The following CSMD1 variants were observed in gnomAD, a reference collection of about 807,000 sequenced individuals.
CSMD1 encodes CUB and Sushi multiple domains 1.
Under a neutral mutation model 417.5 loss-of-function variants are expected in CSMD1, and 213 were observed. That is an observed-to-expected ratio of 0.51 (90% CI 0.46 to 0.57). CSMD1 has a LOEUF of 0.57. CSMD1 is among the 20% of genes least tolerant of loss of function. CSMD1 has a pLI of 0.00. For synonymous variants in CSMD1, 2,862 were observed against 1,736.8 expected, an observed-to-expected ratio of 1.65 and a Z score of -16.11; for missense variants, 6,923 against 4,529.7, an observed-to-expected ratio of 1.53 and a Z score of -15.17.
At chr8:3,770,344 T>C (rs1161908859) in intron 5 of CSMD1, among the ~76,000 whole-genome samples, 1 of 152,066 alleles carries the variant, frequency 6.6e-6, no homozygotes. Flanking sequence ...GCCTGTCCTA[T>C]GTGGTGAAAC....
intron 2 of CSMD1, among the ~76,000 whole-genome samples, chr8:4,504,733 T>C (rs1802432610): frequency 6.6e-6 from 1 of 152,114 alleles, no homozygotes; most frequent in African/African-American, 2.4e-5. Context: ...ACATGTGATG[T>C]TTGGTTTTCT....
chr8:3,111,984 C>G (rs1816547914), intron 42 of CSMD1, among the ~76,000 whole-genome samples: 1 of 152,024 alleles, frequency 6.6e-6, no homozygotes, highest in South Asian at 2.1e-4. Context: ...AAACTTGTCT[C>G]TTCCTTTAAA....
intron 2 of CSMD1, among the ~76,000 whole-genome samples, chr8:4,627,663 C>A (rs4875113): frequency 0.068 from 10,378 of 152,194 alleles, 446 homozygotes; most frequent in East Asian, 0.1. Flanking sequence ...CCTGGTCACT[C>A]CAGCTGCTCC....
rs116222143 is a variant in CSMD1, at chr8:3,428,047, C to T, written c.1562-18442G>A. 5.1e-3 allele frequency among the ~76,000 whole-genome samples: 784 copies of T among 152,260 alleles called. 7 individuals are homozygous for T. Among genetic ancestry groups the T allele is most frequent in the African/African-American group, 0.018 (741 of 41,546 alleles). Reference sequence around the variant, plus strand: ...TCAAATTGCATTATCTGCTTCGTTGCGTCTACCATTACTTATATCTGAAGG... The same window carrying T: ...TCAAATTGCATTATCTGCTTCGTTGTGTCTACCATTACTTATATCTGAAGG... On this transcript the variant is annotated intron_variant, in intron 12 of 69. Coordinates refer to ENST00000635120, the MANE Select transcript of CSMD1 (RefSeq NM_033225.6).
At chr8:4,779,051 T>G (rs1007304603) in intron 1 of CSMD1, among the ~76,000 whole-genome samples, 41 of 152,252 alleles carry the variant, frequency 2.7e-4, no homozygotes, top group African/African-American at 9.6e-4. Flanking sequence ...ATTTCAGGAA[T>G]TGACAGCTGT....
chr8:4,610,062 A>C (rs1292209433), intron 2 of CSMD1, among the ~76,000 whole-genome samples: 1 of 151,820 alleles, frequency 6.6e-6, no homozygotes, highest in Non-Finnish European at 1.5e-5. Context: ...CATTTCATCC[A>C]AATTCTTGCT....
intron 5 of CSMD1, among the ~76,000 whole-genome samples, chr8:3,881,871 C>T (rs1403525759): frequency 6.6e-6 from 1 of 151,946 alleles, no homozygotes; most frequent in Non-Finnish European, 1.5e-5. Context: ...TTGACTTCTC[C>T]ATAAATGGGG....
intron 2 of CSMD1, among the ~76,000 whole-genome samples, chr8:4,510,188 C>A (rs112636044): frequency 0.017 from 2,611 of 152,000 alleles, 95 homozygotes; most frequent in African/African-American, 0.06. Flanking sequence ...CCTCATTCAC[C>A]TTCCGCCATG....
chr8:4,639,939 T>C (rs537214660), intron 1 of CSMD1, among the ~76,000 whole-genome samples: 1 of 152,306 alleles, frequency 6.6e-6, no homozygotes, highest in Non-Finnish European at 1.5e-5. Context: ...CTGTGGGGTT[T>C]TGAAAGGTTT....
chr8:4,771,751 C>A (rs1796608358), intron 1 of CSMD1, among the ~76,000 whole-genome samples: 1 of 152,166 alleles, frequency 6.6e-6, no homozygotes, highest in Non-Finnish European at 1.5e-5. Flanking sequence ...GAGATGATGG[C>A]TGTCATTTCA....
chr8:3,360,170 G>C (rs769285292), intron 20 of CSMD1, among the ~76,000 whole-genome samples: 1 of 152,188 alleles, frequency 6.6e-6, no homozygotes, highest in Non-Finnish European at 1.5e-5. Flanking sequence ...TGTAAACCAT[G>C]TGAGATTGAA....
intron 3 of CSMD1, among the ~76,000 whole-genome samples, chr8:4,065,059 C>A (rs924554459): frequency 1.2e-4 from 19 of 152,162 alleles, no homozygotes; most frequent in African/African-American, 4.1e-4. Context: ...CTAAAAATTA[C>A]TGATTATAAT....
At chr8:3,805,934 C>G (rs562410776) in intron 5 of CSMD1, among the ~76,000 whole-genome samples, 1 of 152,180 alleles carries the variant, frequency 6.6e-6, no homozygotes, top group Non-Finnish European at 1.5e-5. Context: ...AGCACTGACA[C>G]ACCTGCTCTT....
chr8:3,377,982 C>T (rs185758436), intron 18 of CSMD1, among the ~76,000 whole-genome samples: 101 of 152,242 alleles, frequency 6.6e-4, no homozygotes, highest in African/African-American at 2.3e-3. Flanking sequence ...CCGTCATGGC[C>T]TGGAGCAATT....
chr8:4,864,610 T>C (rs1271075589), intron 1 of CSMD1, among the ~76,000 whole-genome samples: 1 of 151,726 alleles, frequency 6.6e-6, no homozygotes, highest in Non-Finnish European at 1.5e-5. Flanking sequence ...TTATAGTTAC[T>C]AGCTTTATTA....
chr8:3,298,502 G>C (rs1054670830), intron 25 of CSMD1, among the ~76,000 whole-genome samples: 10 of 152,294 alleles, frequency 6.6e-5, no homozygotes, highest in African/African-American at 1.9e-4. Context: ...TGACCAGGCT[G>C]GAGTGCAATG....
chr8:4,054,349 C>T (rs966415744), intron 3 of CSMD1, among the ~76,000 whole-genome samples: 5 of 152,112 alleles, frequency 3.3e-5, no homozygotes, highest in Admixed American at 2.6e-4. Flanking sequence ...GTGGTTTGAT[C>T]TATCTCTGTT....
intron 2 of CSMD1, among the ~76,000 whole-genome samples, chr8:4,592,630 G>A (rs1018828626): frequency 2.6e-5 from 4 of 152,046 alleles, no homozygotes; most frequent in African/African-American, 4.8e-5. Flanking sequence ...CAAGTGATCC[G>A]CCTGTCTTGG....
intron 50 of CSMD1, among the ~76,000 whole-genome samples, chr8:3,042,410 T>C (rs1811161671): frequency 6.6e-6 from 1 of 152,178 alleles, no homozygotes; most frequent in African/African-American, 2.4e-5. Flanking sequence ...TTTCCTTTTA[T>C]CACCTTAATA....
Sources: gnomAD v4.1 joint callset for allele counts (sites outside exome capture counted in the v4.1 genomes callset) on GRCh38, gnomAD v4.1.1 for gene constraint, MANE v1.5 for transcripts, NCBI Gene and HGNC (gene_info 2026-07-23, HGNC 2026-07-21) for gene names.